SH3TC2: variants seen among roughly 807,000 people sequenced by gnomAD.
SH3TC2 encodes the protein SH3 domain and tetratricopeptide repeat-containing protein 2.
In SH3TC2, 87 loss-of-function variants were observed where a neutral mutation model predicts 124.5. That is an observed-to-expected ratio of 0.70 (90% CI 0.59 to 0.84). SH3TC2 has a LOEUF of 0.84. Ranked by LOEUF, SH3TC2 falls within the 40% of genes least tolerant of loss-of-function variation. The pLI, the probability that SH3TC2 is intolerant of heterozygous loss-of-function variation, is 0.00. For synonymous variants in SH3TC2, 634 were observed against 628.5 expected (o/e 1.01, Z -0.13); for missense variants, 1,536 against 1,566.4 (o/e 0.98, Z 0.33).
chr5:149,049,877 G>A (rs1037061034), intron 2 of SH3TC2, among the ~76,000 whole-genome samples: 3 of 152,052 alleles, frequency 2.0e-5, no homozygotes, highest in Admixed American at 6.6e-5. Flanking sequence ...AACACATTAA[G>A]CATTAGCTGT....
In SH3TC2 at chr5:149,028,537, A is replaced by G. The variant is rs144764160; in HGVS notation, c.1195T>C (p.Phe399Leu). The G allele has an allele frequency of 2.0e-4, 326 of 1,614,010 alleles. 1 individual carries two copies. The African/African-American group carries it at 3.9e-3, about 20-fold the overall frequency. ...GCTCTGCCAGGCCTGACCTCCTTGA[A>G]ACCTTCAGGCTGGGATGCTGTAAGG... ...NDLSASQPEGFKEVRPGRAWE... is the reference protein window; with the variant it reads ...NDLSASQPEGLKEVRPGRAWE... The change falls in exon 11 of 17, where the codon TTC becomes CTC. Residue 399 changes from phenylalanine (F) to leucine (L), a missense_variant. Transcript: ENST00000515425.
At chr5:149,045,507 T>C (rs1236018043) in intron 3 of SH3TC2, 2 of 150,738 alleles carry the variant, frequency 1.3e-5, no homozygotes, top group Admixed American at 6.6e-5. Flanking sequence ...AGAGGTGCAA[T>C]TGGAAATGCA....
intron 2 of SH3TC2, among the ~76,000 whole-genome samples, chr5:149,051,591 G>A (rs1429148634): frequency 1.3e-5 from 2 of 152,078 alleles, no homozygotes; most frequent in African/African-American, 4.8e-5. Flanking sequence ...AGCTGGGACT[G>A]CAAGCATATG....
chr5:148,984,019 G>A lies in SH3TC2; in HGVS notation c.*20692C>T, dbSNP rs974675421. On this transcript the variant is annotated 3_prime_UTR_variant, in exon 17 of 17. Coordinates refer to ENST00000515425, the MANE Select transcript of SH3TC2 (RefSeq NM_024577.4). ...TAAGCCAGTTTGAGTTTCACCTTCT[G>A]TTTCTCAAAGTGAAAAGAACCTGCA... Among the ~76,000 whole-genome samples the A allele has an allele frequency of 2.0e-5, 3 of 152,102 alleles. No individual in the cohort carries two copies. The highest frequency in any genetic ancestry group is 7.2e-5 in the African/African-American group (3 of 41,420).
chr5:149,046,083 G>C (rs1296072320), intron 3 of SH3TC2: 1 of 259,274 alleles, frequency 3.9e-6, no homozygotes, highest in Non-Finnish European at 7.9e-6. Flanking sequence ...CACCAGGCCA[G>C]GTCCTGTCAT....
intron 13 of SH3TC2, among the ~76,000 whole-genome samples, chr5:149,012,218 C>T (rs572485539): frequency 6.6e-6 from 1 of 152,298 alleles, no homozygotes; most frequent in South Asian, 2.1e-4. Context: ...CCCACATACA[C>T]ACCAACCTTG....
At chr5:149,016,542 C>G (rs1182946722) in intron 12 of SH3TC2, among the ~76,000 whole-genome samples, 1 of 152,136 alleles carries the variant, frequency 6.6e-6, no homozygotes, top group Admixed American at 6.5e-5. Context: ...AAAAGAATTG[C>G]TTCTGTGTTA....
chr5:149,025,603 A>G (rs910047541), intron 12 of SH3TC2, among the ~76,000 whole-genome samples: 1 of 152,228 alleles, frequency 6.6e-6, no homozygotes, highest in African/African-American at 2.4e-5. Flanking sequence ...ACAGGATTTA[A>G]TGGAATCAAT....
rs571855726 is a variant in SH3TC2 at position 148,989,737 on chromosome 5, T to C, written c.*14974A>G. Among the ~76,000 whole-genome samples the C allele has an allele frequency of 6.6e-6, 1 of 152,314 alleles. No homozygotes were observed. The highest frequency in any genetic ancestry group is 1.9e-4 in the East Asian group (1 of 5,186). On this transcript the variant is annotated 3_prime_UTR_variant, in exon 17 of 17. Transcript: ENST00000515425. ...CTGGAACCACTCATTCAAGGGGATCTGGAGAGTGACCCAGGATAGAGTGAG... is the reference window on the plus strand; with the variant it reads ...CTGGAACCACTCATTCAAGGGGATCCGGAGAGTGACCCAGGATAGAGTGAG...
rs1193671627 is a variant in SH3TC2 at position 148,999,910 on chromosome 5, T to G, written c.*4801A>C. 6.6e-6 allele frequency among the ~76,000 whole-genome samples: 1 copy of G among 152,076 alleles called. No individual in the cohort carries two copies. On this transcript the variant is annotated 3_prime_UTR_variant, in exon 17 of 17. Transcript: ENST00000515425. ...TGCTCCAGCCTCACTGCACTCAGAGTGACCTGTTCTCAGAAAACATCACCC... is the reference window on the plus strand; with the variant it reads ...TGCTCCAGCCTCACTGCACTCAGAGGGACCTGTTCTCAGAAAACATCACCC...
At chr5:149,044,908 C>G (rs1476539550) in intron 3 of SH3TC2, 4 of 317,408 alleles carry the variant, frequency 1.3e-5, no homozygotes, top group African/African-American at 8.6e-5. Flanking sequence ...TATAATACTG[C>G]TATACAGCGG....
rs1323259099 is a variant in SH3TC2 at position 148,999,576 on chromosome 5, A to C, written c.*5135T>G. ...TGACAAGGTCATGAAAAACAAGGAA[A>C]GGCAGAAACCGTCATAGACCAGAGA... On this transcript the variant is annotated 3_prime_UTR_variant, in exon 17 of 17. Transcript: ENST00000515425. 6.6e-6 allele frequency among the ~76,000 whole-genome samples: 1 copy of C among 152,356 alleles called. No individual in the cohort carries two copies. The highest frequency in any genetic ancestry group is 1.9e-4 in the East Asian group (1 of 5,186).
intron 12 of SH3TC2, among the ~76,000 whole-genome samples, chr5:149,022,987 T>A (rs7702695): frequency 0.23 from 34,769 of 152,176 alleles, 4,485 homozygotes; most frequent in African/African-American, 0.32. Context: ...ACTGTGTGAA[T>A]ATACTGAAAA....
At chr5:149,018,992 C>T (rs1753924184) in intron 12 of SH3TC2, among the ~76,000 whole-genome samples, 1 of 152,228 alleles carries the variant, frequency 6.6e-6, no homozygotes, top group Non-Finnish European at 1.5e-5. Flanking sequence ...ACACTTCCTG[C>T]CTTTGCTTGC....
chr5:149,062,046 A>G (rs561154344), intron 1 of SH3TC2, among the ~76,000 whole-genome samples: 19 of 152,224 alleles, frequency 1.2e-4, no homozygotes, highest in Admixed American at 3.3e-4. Flanking sequence ...TAAAGAAGAA[A>G]GTTGTCTGTC....
At chr5:149,012,452 G>A in intron 13 of SH3TC2, 132 bp downstream of exon 13, 1 of 1,211,392 alleles carries the variant, frequency 8.3e-7, no homozygotes, top group South Asian at 1.3e-5. Flanking sequence ...GCAGCCCAGT[G>A]TTGACCCTTT....
At chr5:149,044,111 A>C in intron 4 of SH3TC2, 1 of 190,300 alleles carries the variant, frequency 5.3e-6, no homozygotes, top group Non-Finnish European at 1.1e-5. Context: ...TCTTTTCCAA[A>C]TACATGCAAT....
At chr5:149,056,377 T>A (rs760675972) in intron 1 of SH3TC2, among the ~76,000 whole-genome samples, 18 of 152,322 alleles carry the variant, frequency 1.2e-4, no homozygotes, top group Middle Eastern at 3.4e-3. Flanking sequence ...TGTTTTCTGT[T>A]CCTGCATTAG....
chr5:149,049,373 C>T (rs1447133692), intron 2 of SH3TC2, among the ~76,000 whole-genome samples: 1 of 152,204 alleles, frequency 6.6e-6, no homozygotes, highest in East Asian at 1.9e-4. Flanking sequence ...GGCTCTGCCC[C>T]TCAATAAATG....
Sources: allele counts gnomAD v4.1 joint callset (sites outside exome capture counted in the v4.1 genomes callset), GRCh38; gene constraint gnomAD v4.1.1; transcripts MANE v1.5; gene names NCBI Gene and HGNC (gene_info 2026-07-23, HGNC 2026-07-21).